Variants in USP14 observed in about 807,000 individuals in gnomAD.
The protein encoded by USP14 is ubiquitin carboxyl-terminal hydrolase 14.
A neutral mutation model predicts 76.5 loss-of-function variants in USP14; 38 were observed. The ratio of observed to expected loss-of-function variants is 0.50; its 90% CI spans 0.38 to 0.65. The LOEUF is 0.65. Among genes scored for constraint, USP14 ranks in the 30% least tolerant of loss-of-function variants. USP14 has a pLI of 0.00. For missense variants in USP14, 467 were observed against 586.5 expected (o/e 0.80, Z 2.10); for synonymous variants, 192 against 191.7 (o/e 1.00, Z -0.01).
Position 212,169 on chromosome 18 carries a change from ATT to A in USP14, c.*887_*888del, listed in dbSNP as rs34094861. The A allele has an allele frequency of 0.18, 26,981 of 152,182 alleles. 2,665 individuals carry two copies. Among genetic ancestry groups the A allele is most frequent in the Non-Finnish European group, 0.23 (15,893 of 67,968 alleles). 9.4% of individuals were successfully genotyped at this position (152,182 alleles called of 1,614,324 possible). The stretch of plus-strand genomic sequence containing the variant: ...TGCTGTTAAGCATCCATTTAAAAAT[ATT>A]TGTTATCTTCTTTGCCTGCCTGTAT... On this transcript the variant is annotated 3_prime_UTR_variant, in exon 16 of 16. Coordinates refer to ENST00000261601, the MANE Select transcript of USP14 (RefSeq NM_005151.4).
intron 3 of USP14, among the ~76,000 whole-genome samples, chr18:168,811 G>A (rs1375416131): frequency 6.6e-6 from 1 of 151,762 alleles, no homozygotes; most frequent in South Asian, 2.1e-4. Context: ...GGTGGCTCAC[G>A]CCTGTAATCC....
chr18:191,472 G>C (rs967123266), intron 5 of USP14, among the ~76,000 whole-genome samples: 1 of 152,118 alleles, frequency 6.6e-6, no homozygotes, highest in Non-Finnish European at 1.5e-5. Flanking sequence ...TGTTTGGTTT[G>C]ATCAGTTTTG....
intron 14 of USP14, 159 bp from the exon 15 acceptor site, chr18:210,227 C>T (rs1263703837): frequency 4.3e-6 from 3 of 690,058 alleles, no homozygotes; most frequent in Admixed American, 3.3e-5. Context: ...CTTATTAAAA[C>T]ATCAATCATG....
intron 5 of USP14, among the ~76,000 whole-genome samples, chr18:190,980 T>A (rs543882093): frequency 3.9e-5 from 6 of 152,178 alleles, no homozygotes; most frequent in Non-Finnish European, 8.8e-5. Flanking sequence ...AAAAAAAGGT[T>A]GATAATTCAT....
At chr18:173,329 T>G (rs1182455855) in intron 3 of USP14, among the ~76,000 whole-genome samples, 1 of 151,886 alleles carries the variant, frequency 6.6e-6, no homozygotes, top group South Asian at 2.1e-4. Flanking sequence ...GCCAGGATGG[T>G]CTCTATCTCC....
intron 1 of USP14, among the ~76,000 whole-genome samples, chr18:160,550 TTA>T (rs1489499406): frequency 6.6e-6 from 1 of 152,138 alleles, no homozygotes; most frequent in Admixed American, 6.6e-5. Context: ...CCTGTGCCTC[TTA>T]TAGAGTTAGG....
At chr18:166,242 A>G (rs913850681) in intron 2 of USP14, among the ~76,000 whole-genome samples, 1 of 152,202 alleles carries the variant, frequency 6.6e-6, no homozygotes, top group African/African-American at 2.4e-5. Flanking sequence ...GATGCTGTAA[A>G]TACAGGTTAC....
chr18:178,528 C>T (rs1909692627), intron 3 of USP14, among the ~76,000 whole-genome samples: 1 of 152,122 alleles, frequency 6.6e-6, no homozygotes, highest in Admixed American at 6.5e-5. Flanking sequence ...TTGGGCGATT[C>T]TATATTGTCA....
chr18:190,043 A>C (rs1910044061), intron 5 of USP14, among the ~76,000 whole-genome samples: 1 of 152,078 alleles, frequency 6.6e-6, no homozygotes, highest in South Asian at 2.1e-4. Context: ...AATTGGGCCC[A>C]TTTGTCTGGC....
At chr18:178,230 G>A (rs1909683550) in intron 3 of USP14, among the ~76,000 whole-genome samples, 1 of 152,030 alleles carries the variant, frequency 6.6e-6, no homozygotes, top group South Asian at 2.1e-4. Context: ...ATGTTGCCCA[G>A]GCTAGTCTTG....
chr18:171,025 A>ATATATATATATAT (rs1555762344), intron 3 of USP14, among the ~76,000 whole-genome samples: 46 of 47,614 alleles, frequency 9.7e-4, no homozygotes, highest in East Asian at 2.8e-3. Context: ...AAAAAAAAAA[A>ATATATATATATAT]ATATATATAT....
At chr18:181,018 C>T (rs1329394074) in intron 5 of USP14, among the ~76,000 whole-genome samples, 2 of 151,794 alleles carry the variant, frequency 1.3e-5, no homozygotes, top group Non-Finnish European at 1.5e-5. Flanking sequence ...CACCTCATTC[C>T]TATTTTATGG....
chr18:171,025 AATATAT>A (rs57888885), intron 3 of USP14, among the ~76,000 whole-genome samples: 37 of 47,648 alleles, frequency 7.8e-4, no homozygotes, highest in East Asian at 2.8e-3. Flanking sequence ...AAAAAAAAAA[AATATAT>A]ATATATATAT....
Position 211,395 on chromosome 18 carries a change from A to C in USP14, c.*111A>C. ...CATAGGTGGGTTTATGTTTCACCTC[A>C]TTTGGAACAAAAGAGGACAGAAGCA... On this transcript the variant is annotated 3_prime_UTR_variant, in exon 16 of 16. Transcript: ENST00000261601. The C allele has an allele frequency of 5.1e-6, 6 of 1,176,356 alleles. No individual in the cohort carries two copies. The highest frequency in any genetic ancestry group is 7.0e-6 in the Non-Finnish European group (6 of 854,094). The allele number at this position is 1,176,356 out of a possible 1,614,324, so 72.9% of individuals were successfully genotyped here.
intron 6 of USP14, among the ~76,000 whole-genome samples, chr18:195,491 G>GA (rs1910205746): frequency 6.6e-6 from 1 of 152,190 alleles, no homozygotes; most frequent in Non-Finnish European, 1.5e-5. Context: ...TGCTGTACAT[G>GA]AAGGAGGGCA....
chr18:210,468 T>C lies in USP14; in HGVS notation c.1308T>C (p.Tyr436=), dbSNP rs1447865846. ...GAAGGTCTAGTTCTTCAGGTCATTA[T>C]GTATCATGGGTGAAAAGGAAACAAG... ...HQGRSSSSGH[Y]VSWVKRKQDE... is the part of the protein sequence containing the mutation. Residue 436 remains tyrosine, a synonymous_variant, in exon 15 of 16, where the codon TAT becomes TAC. Transcript: ENST00000261601. 2 of 1,610,588 alleles carry C rather than the reference T, an allele frequency of 1.2e-6. No individual in the cohort carries two copies. The highest frequency in any genetic ancestry group is 2.7e-5 in the African/African-American group (2 of 74,816).
chr18:179,059 G>C, intron 4 of USP14, 22 bp downstream of exon 4: 10 of 1,540,006 alleles, frequency 6.5e-6, no homozygotes, highest in Non-Finnish European at 8.0e-6. Flanking sequence ...CAGATTTTAT[G>C]TGTTTGATCA....
At chr18:182,274 T>C (rs1909807897) in intron 5 of USP14, among the ~76,000 whole-genome samples, 1 of 152,230 alleles carries the variant, frequency 6.6e-6, no homozygotes, top group Admixed American at 6.5e-5. Flanking sequence ...TCTGACTAAA[T>C]TTATACAACT....
At chr18:193,973 A>C (rs1380095939) in intron 6 of USP14, among the ~76,000 whole-genome samples, 1 of 152,160 alleles carries the variant, frequency 6.6e-6, no homozygotes, top group Non-Finnish European at 1.5e-5. Flanking sequence ...ACTGGGTCAT[A>C]TGATTACTAT....
Sources: allele counts gnomAD v4.1 joint callset (sites outside exome capture counted in the v4.1 genomes callset), GRCh38; gene constraint gnomAD v4.1.1; transcripts MANE v1.5; gene names NCBI Gene and HGNC (gene_info 2026-07-23, HGNC 2026-07-21).